Variants in BABAM2 observed in about 807,000 individuals in gnomAD.
The protein encoded by BABAM2 is BRISC and BRCA1-A complex member 2.
BABAM2 carries 31 observed loss-of-function variants against 54.7 expected under a neutral mutation model. The observed-to-expected ratio is 0.57, with a 90% CI of 0.43 to 0.77. The LOEUF is 0.77. Among genes scored for constraint, BABAM2 ranks in the 30% least tolerant of loss-of-function variants. The pLI is 0.00. For synonymous variants in BABAM2, 167 were observed against 162.9 expected (o/e 1.03, Z -0.19); for missense variants, 364 against 455.8 (o/e 0.80, Z 1.83).
intron 5 of BABAM2, among the ~76,000 whole-genome samples, chr2:28,029,289 A>G (rs1284488842): frequency 6.6e-6 from 1 of 152,172 alleles, no homozygotes; most frequent in Non-Finnish European, 1.5e-5. Context: ...AGTGTTAAGT[A>G]TATTCACATT....
intron 3 of BABAM2, among the ~76,000 whole-genome samples, chr2:27,961,098 T>C (rs564552235): frequency 6.8e-4 from 104 of 152,286 alleles, no homozygotes; most frequent in African/African-American, 2.5e-3. Context: ...TGGTTATTTT[T>C]TTTTTGTTTC....
At chr2:28,071,076 C>T (rs1422205067) in intron 6 of BABAM2, among the ~76,000 whole-genome samples, 1 of 152,056 alleles carries the variant, frequency 6.6e-6, no homozygotes, top group Non-Finnish European at 1.5e-5. Flanking sequence ...AGAGTTCTTC[C>T]TTCTCTCCAT....
intron 7 of BABAM2, among the ~76,000 whole-genome samples, chr2:28,138,008 G>T (rs539739120): frequency 6.6e-6 from 1 of 152,080 alleles, no homozygotes; most frequent in East Asian, 1.9e-4. Flanking sequence ...TTTTTCTGCC[G>T]TGAAGATGAG....
chr2:27,913,658 G>A (rs986292378), intron 2 of BABAM2, among the ~76,000 whole-genome samples: 5 of 151,780 alleles, frequency 3.3e-5, no homozygotes, highest in South Asian at 2.1e-4. Context: ...TATTTTATAC[G>A]TATAAAATGC....
intron 5 of BABAM2, among the ~76,000 whole-genome samples, chr2:28,026,058 C>G (rs1292455369): frequency 6.6e-6 from 1 of 151,914 alleles, no homozygotes; most frequent in Non-Finnish European, 1.5e-5. Context: ...GTTAGAATGG[C>G]CATAATTAAA....
intron 3 of BABAM2, among the ~76,000 whole-genome samples, chr2:27,966,744 G>T (rs776077293): frequency 6.6e-6 from 1 of 152,322 alleles, no homozygotes; most frequent in African/African-American, 2.4e-5. Context: ...CAGGGCTCAG[G>T]CTATGCTTTT....
intron 11 of BABAM2, among the ~76,000 whole-genome samples, chr2:28,320,659 C>T (rs1332605391): frequency 1.3e-5 from 2 of 152,226 alleles, no homozygotes; most frequent in Admixed American, 6.5e-5. Flanking sequence ...AGCGGGGTGC[C>T]TTCTAGTGGA....
At chr2:27,943,030 A>G (rs957742645) in intron 3 of BABAM2, among the ~76,000 whole-genome samples, 6 of 151,774 alleles carry the variant, frequency 4.0e-5, no homozygotes, top group East Asian at 1.9e-4. Flanking sequence ...GGCTCAAGCT[A>G]TCCTTCCACT....
At chr2:28,026,876 A>ATATATAAATATATATAT (rs1558667353) in intron 5 of BABAM2, among the ~76,000 whole-genome samples, 1 of 56,174 alleles carries the variant, frequency 1.8e-5, no homozygotes, top group African/African-American at 8.9e-5. Flanking sequence ...ATATATATTT[A>ATATATAAATATATATAT]TATATATATA....
intron 6 of BABAM2, among the ~76,000 whole-genome samples, chr2:28,118,228 A>G (rs866070552): frequency 6.6e-6 from 1 of 152,232 alleles, no homozygotes; most frequent in Non-Finnish European, 1.5e-5. Context: ...TCCTTTGGGT[A>G]TATACCCAGT....
intron 7 of BABAM2, among the ~76,000 whole-genome samples, chr2:28,184,285 T>TCTCC (rs140329617): frequency 2.8e-4 from 29 of 102,204 alleles, no homozygotes; most frequent in South Asian, 4.2e-4. Context: ...TCTCTCTCTC[T>TCTCC]CCCCCCCTCC....
intron 7 of BABAM2, among the ~76,000 whole-genome samples, chr2:28,142,661 A>G (rs998258683): frequency 1.3e-5 from 2 of 152,148 alleles, no homozygotes; most frequent in Non-Finnish European, 2.9e-5. Flanking sequence ...AAAGGAGTTT[A>G]TGACCAAATG....
chr2:28,299,084 A>G (rs966182723), intron 11 of BABAM2, among the ~76,000 whole-genome samples: 5 of 152,206 alleles, frequency 3.3e-5, no homozygotes, highest in Admixed American at 2.6e-4. Flanking sequence ...TCTGAATTCT[A>G]TACCTCATTG....
At chr2:28,183,744 C>CAG (rs1558414887) in intron 7 of BABAM2, among the ~76,000 whole-genome samples, 33 of 149,324 alleles carry the variant, frequency 2.2e-4, no homozygotes, top group Admixed American at 2.1e-3. Context: ...GAAGATCACA[C>CAG]ACACACACAC....
At chr2:28,140,127 C>T (rs1162750546) in intron 7 of BABAM2, among the ~76,000 whole-genome samples, 4 of 152,120 alleles carry the variant, frequency 2.6e-5, no homozygotes, top group Non-Finnish European at 5.9e-5. Flanking sequence ...ATATCTCTTC[C>T]ATCTTCAAGT....
At chr2:27,949,737 C>T (rs192679210) in intron 3 of BABAM2, among the ~76,000 whole-genome samples, 2 of 152,102 alleles carry the variant, frequency 1.3e-5, no homozygotes, top group Non-Finnish European at 2.9e-5. Context: ...TTTCTTTTCC[C>T]TCAACCCTTT....
chr2:28,074,436 CT>C (rs1010449947), intron 6 of BABAM2, among the ~76,000 whole-genome samples: 3 of 152,122 alleles, frequency 2.0e-5, no homozygotes, highest in African/African-American at 7.2e-5. Context: ...AAAATTACCC[CT>C]GGTTGAAAAC....
At chr2:28,330,221 A>G (rs1322877207) in intron 11 of BABAM2, among the ~76,000 whole-genome samples, 3 of 152,186 alleles carry the variant, frequency 2.0e-5, no homozygotes, top group African/African-American at 2.4e-5. Context: ...CCCACAGCCA[A>G]TATCATACCG....
intron 3 of BABAM2, among the ~76,000 whole-genome samples, chr2:27,949,913 T>G (rs2148404444): frequency 6.6e-6 from 1 of 152,338 alleles, no homozygotes; most frequent in Middle Eastern, 3.4e-3. Flanking sequence ...GTCCCCTTCC[T>G]GTTGCCCTCT....
Sources: gnomAD v4.1 joint callset for allele counts (sites outside exome capture counted in the v4.1 genomes callset) on GRCh38, gnomAD v4.1.1 for gene constraint, MANE v1.5 for transcripts, NCBI Gene and HGNC (gene_info 2026-07-23, HGNC 2026-07-21) for gene names.